Variants in IPO8 observed in about 807,000 individuals in gnomAD.
IPO8 encodes the protein importin-8.
A neutral mutation model predicts 141.2 loss-of-function variants in IPO8; 65 were observed. That is an observed-to-expected ratio of 0.46 (90% confidence interval 0.38 to 0.57). The LOEUF (loss-of-function observed/expected upper bound fraction) is 0.57, where lower values mean the gene tolerates loss of function less well. IPO8 is among the 20% of genes least tolerant of loss of function. The pLI is 0.00. For synonymous variants in IPO8, 411 were observed against 420.3 expected, an observed-to-expected ratio of 0.98 and a Z score of 0.27; for missense variants, 980 against 1,246.8, an observed-to-expected ratio of 0.79 and a Z score of 3.22.
intron 9 of IPO8, among the ~76,000 whole-genome samples, chr12:30,670,216 T>C (rs2053029390): frequency 6.6e-6 from 1 of 152,204 alleles, no homozygotes; most frequent in Admixed American, 6.5e-5. Context: ...AAAAGATATC[T>C]GTTGGTAAGA....
Position 30,630,758 on chromosome 12 carries a change from G to A in IPO8, c.*102C>T, listed in dbSNP as rs1591946791. 8.3e-6 allele frequency: 7 copies of A among 841,630 alleles called. No homozygotes were observed. Among genetic ancestry groups the A allele is most frequent in the Middle Eastern group, 3.6e-4 (1 of 2,782 alleles). The allele number at this position is 841,630 out of a possible 1,614,324, so 52.1% of individuals were successfully genotyped here. On this transcript the variant is annotated 3_prime_UTR_variant, in exon 25 of 25. Transcript: ENST00000256079. ...TGCCAGATGGTAACTGGCACAGCAG[G>A]AGGGCCCTAAAAGCAGCCCCTCATT...
At chr12:30,672,514 A>G (rs1017280210) in intron 8 of IPO8, among the ~76,000 whole-genome samples, 1 of 152,204 alleles carries the variant, frequency 6.6e-6, no homozygotes, top group Admixed American at 6.5e-5. Flanking sequence ...TATCAGGAAT[A>G]TATCCTTAAA....
chr12:30,695,410 CG>C lies in IPO8; in HGVS notation c.84+153del, dbSNP rs1414539516. ...TCCTGGGAGCCCTGCTCCACTGGAC[CG>C]GGGGGCAGCGGGGTCGGAGAGCGGG... On this transcript the variant is annotated intron_variant, in intron 1 of 24. Transcript: ENST00000256079. This position sits in a 1 kb window ranked among gnomAD's most constrained non-coding sequence, Gnocchi z 4.2. Among the ~76,000 whole-genome samples, 1 of 152,130 alleles carries C rather than the reference CG, an allele frequency of 6.6e-6. No individual in the cohort carries two copies. The highest frequency in any genetic ancestry group is 1.5e-5 in the Non-Finnish European group (1 of 68,020).
chr12:30,653,181 GCA>G, intron 17 of IPO8, 89 bp from the exon 18 acceptor site: 1 of 1,141,142 alleles, frequency 8.8e-7, no homozygotes, highest in Non-Finnish European at 1.3e-6. Flanking sequence ...GACTACCTAC[GCA>G]CACAGAGTCC....
intron 3 of IPO8, among the ~76,000 whole-genome samples, chr12:30,682,288 T>C (rs2053196836): frequency 6.6e-6 from 1 of 152,142 alleles, no homozygotes; most frequent in Non-Finnish European, 1.5e-5. Flanking sequence ...GCCAAAACCT[T>C]GAACTCATCC....
intron 22 of IPO8, among the ~76,000 whole-genome samples, chr12:30,636,383 T>A (rs2052501736): frequency 6.6e-6 from 1 of 152,130 alleles, no homozygotes. Context: ...CGCAATCTCA[T>A]CATTAAACAA....
intron 9 of IPO8, among the ~76,000 whole-genome samples, chr12:30,670,271 G>A (rs979473728): frequency 1.4e-4 from 22 of 152,150 alleles, no homozygotes; most frequent in Admixed American, 1.1e-3. Flanking sequence ...AAACAGCAAA[G>A]TGAAAGATTT....
At position 30,652,276 on chromosome 12, in the gene IPO8, G is replaced by T. The variant is rs755745569; in HGVS notation, c.2088C>A (p.Leu696=). 1 of 1,593,820 alleles carries T rather than the reference G, an allele frequency of 6.3e-7. No homozygotes were observed. Among genetic ancestry groups the T allele is most frequent in the South Asian group, 1.1e-5 (1 of 90,108 alleles). The change falls in exon 19 of 25, where the codon CTC becomes CTA. Residue 696 remains leucine, a synonymous_variant. Transcript: ENST00000256079. The stretch of plus-strand genomic sequence containing the variant: ...TATCTATTGTCACATAATTATGCAG[G>T]AGAGGCATCATGTCTGAAAAAAAAT... ...CFEYFTDMMP[L]LHNYVTIDTD... is the part of the protein sequence containing the mutation.
chr12:30,660,235 A>G (rs1042608873), intron 16 of IPO8, among the ~76,000 whole-genome samples: 1 of 152,096 alleles, frequency 6.6e-6, no homozygotes, highest in African/African-American at 2.4e-5. Flanking sequence ...AATTAAATAA[A>G]CAAATAAAAG....
intron 20 of IPO8, 147 bp from the exon 21 acceptor site, chr12:30,639,882 G>A: frequency 1.6e-6 from 1 of 625,266 alleles, no homozygotes; most frequent in South Asian, 2.0e-5. Context: ...GTATTTAAAA[G>A]ATTTATATTA....
chr12:30,671,121 C>T (rs1195985556), intron 8 of IPO8, 25 bp from the exon 9 acceptor site: 1 of 1,490,026 alleles, frequency 6.7e-7, no homozygotes. Flanking sequence ...AAAATACAGA[C>T]TAACATAAAC....
intron 6 of IPO8, among the ~76,000 whole-genome samples, 177 bp downstream of exon 6, chr12:30,676,321 G>T (rs1004323323): frequency 6.6e-6 from 1 of 152,028 alleles, no homozygotes; most frequent in African/African-American, 2.4e-5. Flanking sequence ...TTTCATTTTT[G>T]GTAGGATTTA....
intron 5 of IPO8, 65 bp downstream of exon 5, chr12:30,680,417 A>T: frequency 8.0e-7 from 1 of 1,246,352 alleles, no homozygotes; most frequent in Non-Finnish European, 1.1e-6. Flanking sequence ...ACACTTATTG[A>T]GCACTTTCCA....
chr12:30,635,776 C>T (rs1484550283), intron 22 of IPO8, among the ~76,000 whole-genome samples: 1 of 151,854 alleles, frequency 6.6e-6, no homozygotes, highest in African/African-American at 2.4e-5. Context: ...ACCAAATACA[C>T]GAAAAAATGC....
chr12:30,689,745 G>A (rs1405719723), intron 2 of IPO8, among the ~76,000 whole-genome samples: 1 of 152,192 alleles, frequency 6.6e-6, no homozygotes, highest in East Asian at 1.9e-4. Context: ...CCATTTCTGA[G>A]TGATGAATGT....
chr12:30,680,445 C>G, intron 5 of IPO8, 37 bp downstream of exon 5: 1 of 1,543,660 alleles, frequency 6.5e-7, no homozygotes, highest in Non-Finnish European at 8.8e-7. Context: ...GGCAGAAATA[C>G]AGGACTCCAT....
At chr12:30,638,033 A>G (rs933520543) in intron 21 of IPO8, among the ~76,000 whole-genome samples, 4 of 152,182 alleles carry the variant, frequency 2.6e-5, no homozygotes, top group Admixed American at 2.6e-4. Context: ...ACAGAACTGT[A>G]CTTGACCTGA....
rs2052443965 is a variant in IPO8, at chr12:30,632,288, T to A, written c.2900-277A>T. On this transcript the variant is annotated intron_variant, in intron 23 of 24. Transcript: ENST00000256079. ...TGTCTCCTTTGCTGTCTTCTATGGA[T>A]GTTCTCTAAAATCCAGAACACCAGT... Among the ~76,000 whole-genome samples, 4 of 152,344 alleles carry A rather than the reference T, an allele frequency of 2.6e-5. No individual in the cohort carries two copies. The South Asian group carries it at 8.3e-4, about 32-fold the overall frequency.
At chr12:30,649,077 AGCAGGCAT>A in intron 20 of IPO8, 52 bp downstream of exon 20, 1 of 1,054,992 alleles carries the variant, frequency 9.5e-7, no homozygotes, top group Non-Finnish European at 1.5e-6. Flanking sequence ...TGAAAAGTCA[AGCAGGCAT>A]GTAAACTTCA....
Sources: allele counts gnomAD v4.1 joint callset (sites outside exome capture counted in the v4.1 genomes callset), GRCh38; gene constraint gnomAD v4.1.1; non-coding constraint Gnocchi (gnomAD v3.1); transcripts MANE v1.5; gene names NCBI Gene and HGNC (gene_info 2026-07-23, HGNC 2026-07-21).